OCA2: variants seen among roughly 807,000 people sequenced by gnomAD.
OCA2 encodes OCA2 melanosomal transmembrane protein, also known as P protein.
OCA2 carries 77 observed loss-of-function variants against 100.2 expected under a neutral mutation model. The observed-to-expected ratio is 0.77, with a 90% confidence interval of 0.64 to 0.93. The LOEUF (loss-of-function observed/expected upper bound fraction) is 0.93, where lower values mean the gene tolerates loss of function less well. Among genes scored for constraint, OCA2 ranks in the 40% least tolerant of loss-of-function variants. The pLI, the probability that OCA2 is intolerant of heterozygous loss-of-function variation, is 0.00. For missense variants in OCA2, 1,062 were observed against 1,089.1 expected, an observed-to-expected ratio of 0.98 and a Z score of 0.35; for synonymous variants, 432 against 439.2, an observed-to-expected ratio of 0.98 and a Z score of 0.21.
rs16950695 is a variant in OCA2 at position 27,989,483 on chromosome 15, C to G, written c.1182+118G>C. On this transcript the variant is annotated intron_variant, in intron 11 of 23. Coordinates refer to ENST00000354638, the MANE Select transcript of OCA2 (RefSeq NM_000275.3). ...TCATGAGACCTGCACTAACACTTCT[C>G]AGTCAAGCCCTAGGCGCTGTGTCTT... is the stretch of plus-strand genomic sequence containing the variant. 2,157 of 804,588 alleles carry G rather than the reference C, an allele frequency of 2.7e-3. 37 individuals are homozygous for G. In the African/African-American group the frequency reaches 0.032, roughly 12 times the overall value. The allele number at this position is 804,588 out of a possible 1,614,324, so 49.8% of individuals were successfully genotyped here.
intron 15 of OCA2, among the ~76,000 whole-genome samples, chr15:27,961,639 T>C (rs1339107974): frequency 6.6e-6 from 1 of 152,218 alleles, no homozygotes; most frequent in Non-Finnish European, 1.5e-5. Context: ...TGAGTTCATG[T>C]CCTTTGCAGG....
chr15:27,833,367 T>C (rs1320758044), intron 23 of OCA2, among the ~76,000 whole-genome samples: 2 of 152,096 alleles, frequency 1.3e-5, no homozygotes, highest in African/African-American at 4.8e-5. Flanking sequence ...ACTCCATTGT[T>C]TATGTTGTCT....
chr15:27,808,980 C>A (rs932191370), intron 23 of OCA2, among the ~76,000 whole-genome samples: 3 of 152,142 alleles, frequency 2.0e-5, no homozygotes, highest in African/African-American at 2.4e-5. Context: ...TCCTTCTGTC[C>A]TTTGACATGA....
At chr15:28,073,264 A>T (rs2044321779) in intron 2 of OCA2, among the ~76,000 whole-genome samples, 1 of 152,128 alleles carries the variant, frequency 6.6e-6, no homozygotes, top group Non-Finnish European at 1.5e-5. Context: ...AAATACAAAA[A>T]TTAGCTGGGC....
chr15:28,084,380 T>C (rs912603585), intron 1 of OCA2, among the ~76,000 whole-genome samples: 4 of 152,176 alleles, frequency 2.6e-5, no homozygotes, highest in African/African-American at 9.6e-5. Flanking sequence ...CCATGTCCCT[T>C]CTCCAAGACC....
intron 1 of OCA2, among the ~76,000 whole-genome samples, chr15:28,082,696 G>A (rs2044685605): frequency 6.6e-6 from 1 of 152,114 alleles, no homozygotes; most frequent in African/African-American, 2.4e-5. Flanking sequence ...ATACAACAGA[G>A]GCCCAAAAGA....
chr15:28,069,401 TCCCCTTCCCCCTCCCCCTCCCCCTCC>T (rs1481474564), intron 2 of OCA2, among the ~76,000 whole-genome samples: 496 of 5,052 alleles, frequency 0.098, 20 homozygotes, highest in South Asian at 0.13. Context: ...CCCCTCCCCC[TCCCCTTCCCCCTCCCCCTCCCCCTCC>T]CCCTCCCCCT....
chr15:27,944,490 C>G (rs906104444), intron 18 of OCA2, among the ~76,000 whole-genome samples: 1 of 152,164 alleles, frequency 6.6e-6, no homozygotes, highest in Admixed American at 6.5e-5. Flanking sequence ...CTGGAGGTCA[C>G]AAGATATGCA....
At chr15:27,947,975 G>A (rs554454229) in intron 18 of OCA2, among the ~76,000 whole-genome samples, 1 of 152,256 alleles carries the variant, frequency 6.6e-6, no homozygotes, top group African/African-American at 2.4e-5. Context: ...CCCCACAATA[G>A]TTAAGTTGGA....
rs2036554562 is a variant in OCA2, at chr15:27,871,159, T to C, written c.2239A>G (p.Thr747Ala). Reference sequence around the variant, plus strand: ...CATGGACATGTGCAACTCACCATGGTAGCAGTGAACGGGATGTTGTCAATC... The same window carrying C: ...CATGGACATGTGCAACTCACCATGGCAGCAGTGAACGGGATGTTGTCAATC... The part of the protein sequence containing the change: ...SLIDNIPFTA[T>A]MIPVLLNLSH... The change falls in exon 21 of 24, where the codon ACC (threonine) becomes GCC (alanine). Residue 747 changes from threonine (T) to alanine (A), a missense_variant. Transcript: ENST00000354638. 3.1e-6 allele frequency: 5 copies of C among 1,612,102 alleles called. No homozygotes were observed. The East Asian group carries it at 1.1e-4, about 36-fold the overall frequency.
intron 18 of OCA2, among the ~76,000 whole-genome samples, chr15:27,947,911 T>A (rs1254906282): frequency 6.6e-6 from 1 of 152,118 alleles, no homozygotes; most frequent in African/African-American, 2.4e-5. Flanking sequence ...AGAACACACA[T>A]GTGAGCCTTT....
chr15:27,772,692 T>C (rs2031952634), intron 23 of OCA2, among the ~76,000 whole-genome samples: 1 of 151,938 alleles, frequency 6.6e-6, no homozygotes. Context: ...AATACAAAAA[T>C]TAGCTGGGTG....
intron 7 of OCA2, among the ~76,000 whole-genome samples, chr15:28,016,433 T>C (rs564764930): frequency 2.7e-4 from 41 of 152,228 alleles, no homozygotes; most frequent in African/African-American, 9.6e-4. Context: ...AATGCAGAAT[T>C]AGTGTACAAA....
At chr15:27,906,869 C>T (rs1000018212) in intron 19 of OCA2, among the ~76,000 whole-genome samples, 2 of 152,186 alleles carry the variant, frequency 1.3e-5, no homozygotes, top group African/African-American at 4.8e-5. Flanking sequence ...GTGAGGGCCT[C>T]AGGCTGCTCC....
chr15:27,932,955 C>T (rs1032600949), intron 18 of OCA2, among the ~76,000 whole-genome samples: 1 of 146,216 alleles, frequency 6.8e-6, no homozygotes, highest in African/African-American at 2.6e-5. Context: ...AGTGTTCAAC[C>T]AAAAATAAAT....
At chr15:28,050,458 G>A (rs1009838240) in intron 2 of OCA2, among the ~76,000 whole-genome samples, 1 of 151,818 alleles carries the variant, frequency 6.6e-6, no homozygotes, top group Non-Finnish European at 1.5e-5. Flanking sequence ...CTACTTGGGA[G>A]GCTGAGGCAG....
At chr15:28,028,921 A>T (rs2141355923) in intron 3 of OCA2, among the ~76,000 whole-genome samples, 1 of 152,244 alleles carries the variant, frequency 6.6e-6, no homozygotes, top group South Asian at 2.1e-4. Context: ...CCTGACTTCA[A>T]GTGATCTGAC....
At position 27,951,911 on chromosome 15, in the gene OCA2, A is replaced by C; in HGVS notation, c.1843-19T>G. On this transcript the variant is annotated intron_variant, in intron 17 of 23. Coordinates refer to ENST00000354638, the MANE Select transcript of OCA2 (RefSeq NM_000275.3). ...TCCTATGCTGTAAGAGAGAAACCAC[A>C]GCTCATTTACTCTGCACAACCTTCT... 1 of 1,541,244 alleles carries C rather than the reference A, an allele frequency of 6.5e-7. No individual in the cohort carries two copies. Among genetic ancestry groups the C allele is most frequent in the South Asian group, 1.1e-5 (1 of 89,392 alleles).
intron 18 of OCA2, among the ~76,000 whole-genome samples, chr15:27,939,466 A>C (rs1157624560): frequency 6.6e-6 from 1 of 152,236 alleles, no homozygotes; most frequent in Non-Finnish European, 1.5e-5. Context: ...TGAGTGCTTA[A>C]AATGATGTCA....
Sources: gnomAD v4.1 joint callset for allele counts (sites outside exome capture counted in the v4.1 genomes callset) on GRCh38, gnomAD v4.1.1 for gene constraint, MANE v1.5 for transcripts, NCBI Gene and HGNC (gene_info 2026-07-23, HGNC 2026-07-21) for gene names.